The following PHLPP2 variants were observed in gnomAD, a reference collection of about 807,000 sequenced individuals.
PHLPP2 encodes PH domain and leucine rich repeat protein phosphatase 2.
Under a neutral mutation model 124.9 loss-of-function variants are expected in PHLPP2, and 66 were observed. The ratio of observed to expected loss-of-function variants is 0.53; its 90% CI spans 0.43 to 0.65. The LOEUF (loss-of-function observed/expected upper bound fraction) is 0.65. Among genes scored for constraint, PHLPP2 ranks in the 30% least tolerant of loss-of-function variants. The probability of loss-of-function intolerance (pLI) is 0.00; values close to 1 mark genes in which losing one functional copy is unlikely to be tolerated. For synonymous variants in PHLPP2, 681 were observed against 624.7 expected (o/e 1.09, Z -1.34); for missense variants, 1,685 against 1,600.4 (o/e 1.05, Z -0.90).
chr16:71,680,088 A>G (rs1054568410), intron 6 of PHLPP2, among the ~76,000 whole-genome samples: 1 of 152,158 alleles, frequency 6.6e-6, no homozygotes, highest in Non-Finnish European at 1.5e-5. Flanking sequence ...GTCTCAAAAA[A>G]AAAAAAGAAA....
At chr16:71,707,791 A>C (rs755857582) in intron 2 of PHLPP2, among the ~76,000 whole-genome samples, 2 of 152,106 alleles carry the variant, frequency 1.3e-5, no homozygotes, top group African/African-American at 4.8e-5. Context: ...TAAGTATAGC[A>C]CCTTCCTGAG....
rs759945208 is a variant in PHLPP2, at chr16:71,664,035, C to T, written c.1849G>A (p.Glu617Lys). The T allele has an allele frequency of 5.6e-6, 9 of 1,613,846 alleles. No individual in the cohort carries two copies. Among genetic ancestry groups the T allele is most frequent in the Non-Finnish European group, 7.6e-6 (9 of 1,179,868 alleles). ...ESLPSACTGE[E>K]SLSMLQLLYL... ...AGCAGCTGCAGCATACTCAAACTCT[C>T]CTCTCCAGTGCAGGCGGATGGTAAA... Residue 617 changes from glutamate to lysine, a missense_variant, in exon 13 of 19, where the codon GAG becomes AAG. Coordinates refer to ENST00000568954, the MANE Select transcript of PHLPP2 (RefSeq NM_015020.3).
chr16:71,719,395 G>C (rs539374913), intron 1 of PHLPP2, among the ~76,000 whole-genome samples: 1 of 151,992 alleles, frequency 6.6e-6, no homozygotes, highest in Non-Finnish European at 1.5e-5. Flanking sequence ...AGAATTACCC[G>C]GGGGTGGTGG....
intron 12 of PHLPP2, among the ~76,000 whole-genome samples, chr16:71,665,427 G>A (rs770107133): frequency 3.3e-5 from 5 of 152,064 alleles, no homozygotes; most frequent in Non-Finnish European, 7.4e-5. Context: ...GATAAAACAT[G>A]GTATAATTTT....
At chr16:71,713,833 A>T (rs2045339216) in intron 2 of PHLPP2, among the ~76,000 whole-genome samples, 1 of 152,072 alleles carries the variant, frequency 6.6e-6, no homozygotes, top group East Asian at 1.9e-4. Flanking sequence ...ATAACTATCA[A>T]GAACAGGCCT....
rs145787660 is a variant in PHLPP2 at position 71,650,022 on chromosome 16, G to T, written c.2840C>A (p.Thr947Asn). The T allele has an allele frequency of 6.2e-7, 1 of 1,608,148 alleles. No individual in the cohort carries two copies. Among genetic ancestry groups the T allele is most frequent in the Admixed American group, 1.7e-5 (1 of 59,990 alleles). The change falls in exon 19 of 19, where the codon ACC becomes AAC. Residue 947 changes from threonine to asparagine, a missense_variant. Thr to Asn is a moderately conservative substitution (Grantham distance 65). Coordinates refer to ENST00000568954, the MANE Select transcript of PHLPP2 (RefSeq NM_015020.3). ...ITEDNKVNGVTCCTRMLGCTY... is the reference protein window; with the variant it reads ...ITEDNKVNGVNCCTRMLGCTY... ...ACAGCCCAGCATCCGGGTACAGCAG[G>T]TTACCCCATTCACTTTGTTGTCCTA...
At chr16:71,681,997 T>C (rs1732359717) in intron 5 of PHLPP2, 92 bp from the exon 6 acceptor site, 2 of 828,930 alleles carry the variant, frequency 2.4e-6, no homozygotes, top group Non-Finnish European at 3.3e-6. Flanking sequence ...AAAAAGACGC[T>C]AATTAAAAAG....
intron 1 of PHLPP2, among the ~76,000 whole-genome samples, chr16:71,722,999 A>C (rs1597023240): frequency 6.7e-6 from 1 of 150,066 alleles, no homozygotes. Flanking sequence ...ATATCCTCCC[A>C]CTCCCCCAAT....
chr16:71,704,741 G>C (rs967044732), intron 2 of PHLPP2, among the ~76,000 whole-genome samples: 22 of 152,092 alleles, frequency 1.4e-4, no homozygotes, highest in African/African-American at 5.1e-4. Flanking sequence ...TTAATCCCTA[G>C]CCAAACAAAA....
intron 13 of PHLPP2, among the ~76,000 whole-genome samples, chr16:71,660,165 G>A (rs1348524022): frequency 6.6e-6 from 1 of 151,700 alleles, no homozygotes; most frequent in Non-Finnish European, 1.5e-5. Context: ...TTAGTAGATA[G>A]TATTCTCGTC....
intron 2 of PHLPP2, among the ~76,000 whole-genome samples, chr16:71,705,611 A>C (rs1567627839): frequency 6.6e-6 from 1 of 152,046 alleles, no homozygotes; most frequent in African/African-American, 2.4e-5. Context: ...ACCCAGGTTC[A>C]AGCAATTCTT....
rs1287935489 is a variant in PHLPP2 at position 71,724,317 on chromosome 16, G to C, written c.-7+12C>G. On this transcript the variant is annotated intron_variant, in intron 1 of 18. Transcript: ENST00000568954. ...CTGCCAAGCCGTTGAACGAACTGTT[G>C]AGAATACTCACCTTGGCAAGGCCTT... 1 of 152,274 alleles carries C rather than the reference G, an allele frequency of 6.6e-6. No homozygotes were observed. Among genetic ancestry groups the C allele is most frequent in the Non-Finnish European group, 1.5e-5 (1 of 68,058 alleles). The allele number at this position is 152,274 out of a possible 1,614,324, so 9.4% of individuals were successfully genotyped here. A position where few individuals can be genotyped will look rare whatever the true frequency, so the allele number is the denominator to read the frequency against.
chr16:71,669,417 G>C (rs757609723), intron 10 of PHLPP2, 47 bp from the exon 11 acceptor site: 2 of 1,361,680 alleles, frequency 1.5e-6, no homozygotes, highest in Middle Eastern at 1.8e-4. Context: ...ATGACAAGTG[G>C]AACTCATTTC....
Position 71,690,595 on chromosome 16 carries a change from C to T in PHLPP2, c.533G>A (p.Gly178Asp). 1 of 1,612,482 alleles carries T rather than the reference C, an allele frequency of 6.2e-7. No homozygotes were observed. Among genetic ancestry groups the T allele is most frequent in the Non-Finnish European group, 8.5e-7 (1 of 1,178,496 alleles). ...KWAERLVVLC[G>D]TCLIVSSVKD... ...CACTGAGGAAACGATAAGGCAGGTA[C>T]CACAGAGGACAACTAGGCGCTCAGC... Residue 178 changes from glycine (G) to aspartate (D), a missense_variant, in exon 4 of 19, where the codon GGT (glycine) becomes GAT (aspartate). Gly to Asp is a moderately conservative substitution (Grantham distance 94). Transcript: ENST00000568954.
Position 71,690,613 on chromosome 16 carries a change from C to A in PHLPP2, c.515G>T (p.Arg172Leu). ...GCAGGTACCACAGAGGACAACTAGG[C>A]GCTCAGCCCACTTATGCAGCTGGGT... ...GKTQLHKWAE[R>L]LVVLCGTCLI... is the part of the protein sequence containing the mutation. The change falls in exon 4 of 19, where the codon CGC becomes CTC. Residue 172 changes from arginine to leucine, a missense_variant. Transcript: ENST00000568954. The A allele has an allele frequency of 3.7e-6, 6 of 1,611,526 alleles. No individual in the cohort carries two copies. The highest frequency in any genetic ancestry group is 5.1e-6 in the Non-Finnish European group (6 of 1,177,602).
Position 71,648,910 on chromosome 16 carries a change from C to A in PHLPP2, c.3952G>T (p.Glu1318Ter). ...GGCAGTCATAGTGCTGTGTCGAACT[C>A]CTCCGGGGGCTCGGTCCGATCCTCT... The part of the protein sequence containing the change: ...HEEDRTEPPE[E>*]FDTAL The change falls in exon 19 of 19, where the codon GAG becomes TAG. Residue 1318 changes from glutamate to a stop codon, truncating the protein, a stop_gained. Transcript: ENST00000568954. LOFTEE classifies it high-confidence loss of function. 3 of 1,612,536 alleles carry A rather than the reference C, an allele frequency of 1.9e-6. No homozygotes were observed. Among genetic ancestry groups the A allele is most frequent in the Non-Finnish European group, 2.5e-6 (3 of 1,179,972 alleles).
chr16:71,686,142 C>A (rs558948262), intron 4 of PHLPP2, among the ~76,000 whole-genome samples: 2 of 152,134 alleles, frequency 1.3e-5, no homozygotes, highest in Non-Finnish European at 2.9e-5. Context: ...GGGGATCAGT[C>A]TTACTGAGGT....
At chr16:71,655,503 CTTTT>C (rs1224203746) in intron 16 of PHLPP2, 69 bp from the exon 17 acceptor site, 2,075 of 788,050 alleles carry the variant, frequency 2.6e-3, no homozygotes, top group Middle Eastern at 7.1e-3. Context: ...AGGGAGCATT[CTTTT>C]TTTTTTTTTT....
At chr16:71,694,911 AGTAGCTGG>A (rs1206440998) in intron 3 of PHLPP2, among the ~76,000 whole-genome samples, 2 of 151,858 alleles carry the variant, frequency 1.3e-5, no homozygotes, top group African/African-American at 4.8e-5. Flanking sequence ...CAGCCTCCCG[AGTAGCTGG>A]GACTACAGGC....
Sources: gnomAD v4.1 joint callset for allele counts (sites outside exome capture counted in the v4.1 genomes callset) on GRCh38, gnomAD v4.1.1 for gene constraint, MANE v1.5 for transcripts, NCBI Gene and HGNC (gene_info 2026-07-23, HGNC 2026-07-21) for gene names.